The following KCNJ1 variants were observed in gnomAD, a reference collection of about 807,000 sequenced individuals.
The protein encoded by KCNJ1 is potassium inwardly rectifying channel subfamily J member 1, also known as ATP-sensitive inward rectifier potassium channel 1.
KCNJ1 carries 24 observed loss-of-function variants against 21.9 expected under a neutral mutation model. That is an observed-to-expected ratio of 1.10 (90% CI 0.79 to 1.54). KCNJ1 has a LOEUF of 1.54. KCNJ1 is among the 40% of genes most tolerant of loss of function. The probability of loss-of-function intolerance (pLI) is 0.00; values close to 1 mark genes in which losing one functional copy is unlikely to be tolerated. For synonymous variants in KCNJ1, 152 were observed against 160.9 expected (o/e 0.94, Z 0.42); for missense variants, 457 against 455.4 (o/e 1.00, Z -0.03).
At chr11:128,848,468 G>A (rs1474909989) in intron 2 of KCNJ1, among the ~76,000 whole-genome samples, 7 of 152,118 alleles carry the variant, frequency 4.6e-5, no homozygotes, top group East Asian at 1.9e-4. Context: ...CTGAGATTAC[G>A]GGTGTGAGCC....
At chr11:128,859,945 A>C (rs1227746629) in intron 1 of KCNJ1, among the ~76,000 whole-genome samples, 1 of 152,266 alleles carries the variant, frequency 6.6e-6, no homozygotes, top group Non-Finnish European at 1.5e-5. Flanking sequence ...GACGGCGGGC[A>C]GCAAAGCGCA....
chr11:128,854,038 T>A (rs532995320), intron 1 of KCNJ1, among the ~76,000 whole-genome samples: 1 of 149,426 alleles, frequency 6.7e-6, no homozygotes, highest in Admixed American at 6.7e-5. Flanking sequence ...TGGGCCCTCA[T>A]ACCCACCCAC....
chr11:128,849,218 C>A (rs1479974233), intron 2 of KCNJ1, among the ~76,000 whole-genome samples: 3 of 152,216 alleles, frequency 2.0e-5, no homozygotes, highest in Non-Finnish European at 4.4e-5. Flanking sequence ...GCCCAAAGAG[C>A]AAAGATTAGA....
At position 128,854,359 on chromosome 11, in the gene KCNJ1, G is replaced by A. The variant is rs78641120; in HGVS notation, c.-191-3469C>T. 8.3e-4 allele frequency among the ~76,000 whole-genome samples: 127 copies of A among 152,184 alleles called. 1 individual carries two copies. In the East Asian group the frequency reaches 0.021, roughly 25 times the overall value. ...GTTGTATTCCTGGAGTCAGCAGCGC[G>A]GATGTTCCAATTCCCATTTGAGCCA... is the stretch of plus-strand genomic sequence containing the variant. On this transcript the variant is annotated intron_variant, in intron 1 of 2. Coordinates refer to ENST00000392666, the MANE Select transcript of KCNJ1 (RefSeq NM_153766.3).
At chr11:128,842,279 CT>C in intron 2 of KCNJ1, 13 of 1,265,380 alleles carry the variant, frequency 1.0e-5, no homozygotes, top group South Asian at 2.5e-5. Context: ...GAAGTACCCC[CT>C]GATTGATCAC....
chr11:128,860,510 A>G (rs1943685548), intron 1 of KCNJ1, among the ~76,000 whole-genome samples: 1 of 152,248 alleles, frequency 6.6e-6, no homozygotes. Flanking sequence ...GAACTCAGGA[A>G]GTCTCTGTGC....
At chr11:128,848,544 A>T (rs1274271712) in intron 2 of KCNJ1, among the ~76,000 whole-genome samples, 1 of 152,106 alleles carries the variant, frequency 6.6e-6, no homozygotes, top group Non-Finnish European at 1.5e-5. Flanking sequence ...TTCTTAAGAT[A>T]TTTCAGAAAT....
At chr11:128,850,923 G>C (rs575487567) in intron 1 of KCNJ1, 33 bp from the exon 2 acceptor site, 1 of 973,556 alleles carries the variant, frequency 1.0e-6, no homozygotes, top group Non-Finnish European at 1.2e-6. Flanking sequence ...GCTACTGTCT[G>C]GAGACAGAGG....
chr11:128,861,103 T>G (rs189372875), intron 1 of KCNJ1, among the ~76,000 whole-genome samples: 2 of 152,170 alleles, frequency 1.3e-5, no homozygotes, highest in African/African-American at 2.4e-5. Flanking sequence ...CAGTCACTGG[T>G]GAAATATGGG....
At chr11:128,848,708 C>A (rs1249448574) in intron 2 of KCNJ1, among the ~76,000 whole-genome samples, 1 of 152,130 alleles carries the variant, frequency 6.6e-6, no homozygotes, top group Non-Finnish European at 1.5e-5. Flanking sequence ...AAACTCACTG[C>A]CACACAATGG....
chr11:128,855,313 C>A (rs999529820), intron 1 of KCNJ1, among the ~76,000 whole-genome samples: 1 of 152,098 alleles, frequency 6.6e-6, no homozygotes, highest in Non-Finnish European at 1.5e-5. Flanking sequence ...TGAGTCCTGA[C>A]CTTTCCCACC....
At chr11:128,855,454 G>T (rs961793596) in intron 1 of KCNJ1, among the ~76,000 whole-genome samples, 1 of 152,222 alleles carries the variant, frequency 6.6e-6, no homozygotes, top group East Asian at 1.9e-4. Context: ...GGCACCCAGA[G>T]GGTGTGAGGT....
intron 1 of KCNJ1, among the ~76,000 whole-genome samples, chr11:128,860,981 G>C (rs12795437): frequency 0.061 from 9,332 of 152,272 alleles, 394 homozygotes; most frequent in Admixed American, 0.092. Flanking sequence ...GTGAACTCCA[G>C]GGCAGGGAGC....
At chr11:128,856,645 T>C (rs1943596234) in intron 1 of KCNJ1, among the ~76,000 whole-genome samples, 1 of 152,196 alleles carries the variant, frequency 6.6e-6, no homozygotes, top group African/African-American at 2.4e-5. Flanking sequence ...TTGGTTTTGT[T>C]CAATTCAGAT....
In KCNJ1 at chr11:128,842,796, A is replaced by G. The variant is rs6590353; in HGVS notation, c.-21-2532T>C. Among the ~76,000 whole-genome samples, 990 of 152,340 alleles carry G rather than the reference A, an allele frequency of 6.5e-3. 3 individuals are homozygous for G. The highest frequency in any genetic ancestry group is 0.022 in the African/African-American group (920 of 41,584). On this transcript the variant is annotated intron_variant, in intron 2 of 2. Transcript: ENST00000392666. Reference sequence around the variant, plus strand: ...CTCCTAAAAGTTGTGCCTAATAACAACTGGCCGGAAACACTTACTTATCAT... The same window carrying G: ...CTCCTAAAAGTTGTGCCTAATAACAGCTGGCCGGAAACACTTACTTATCAT...
chr11:128,859,680 C>T (rs763803134), intron 1 of KCNJ1, among the ~76,000 whole-genome samples: 5 of 152,182 alleles, frequency 3.3e-5, no homozygotes, highest in Admixed American at 6.5e-5. Context: ...GGCCCTCCCT[C>T]CTCACCTCCC....
At position 128,839,330 on chromosome 11, in the gene KCNJ1, C is replaced by T. The variant is rs1283934138; in HGVS notation, c.914G>A (p.Arg305His). The T allele has an allele frequency of 3.1e-6, 5 of 1,614,026 alleles. No homozygotes were observed. Among genetic ancestry groups the T allele is most frequent in the Admixed American group, 1.7e-5 (1 of 59,998 alleles). Residue 305 changes from arginine to histidine, a missense_variant, in exon 3 of 3, where the codon CGT (arginine) becomes CAT (histidine). Physicochemically the swap from Arg to His is conservative, Grantham distance 29. Coordinates refer to ENST00000392666, the MANE Select transcript of KCNJ1 (RefSeq NM_153766.3). Reference protein sequence around the residue: ...YVPEEVLWGYRFAPIVSKTKE... With the variant: ...YVPEEVLWGYHFAPIVSKTKE... ...TGTCTTGGATACTATGGGAGCAAAACGGTAGCCCCAAAGCACCTCCTCTGG... is the reference window on the plus strand; with the variant it reads ...TGTCTTGGATACTATGGGAGCAAAATGGTAGCCCCAAAGCACCTCCTCTGG...
At chr11:128,856,897 T>G (rs1195578554) in intron 1 of KCNJ1, among the ~76,000 whole-genome samples, 2 of 152,040 alleles carry the variant, frequency 1.3e-5, no homozygotes, top group Admixed American at 1.3e-4. Context: ...CACCGCCTCT[T>G]TCTCCTCATA....
intron 1 of KCNJ1, 60 bp from the exon 2 acceptor site, chr11:128,850,950 G>C (rs1022844940): frequency 2.2e-6 from 2 of 892,130 alleles, no homozygotes; most frequent in African/African-American, 3.6e-5. Flanking sequence ...CCACACAGAA[G>C]CCAGGGTGAA....
Sources: gnomAD v4.1 joint callset for allele counts (sites outside exome capture counted in the v4.1 genomes callset) on GRCh38, gnomAD v4.1.1 for gene constraint, MANE v1.5 for transcripts, NCBI Gene and HGNC (gene_info 2026-07-23, HGNC 2026-07-21) for gene names.